YLPM1: variants seen among roughly 807,000 people sequenced by gnomAD.
YLPM1 encodes the protein YLP motif containing 1, also known as YLP motif-containing protein 1.
Under a neutral mutation model 230.0 loss-of-function variants are expected in YLPM1, and 99 were observed. That is an observed-to-expected ratio of 0.43 (90% CI 0.37 to 0.51). YLPM1 has a LOEUF of 0.51. Ranked by LOEUF, YLPM1 falls within the 20% of genes least tolerant of loss-of-function variation. YLPM1 has a pLI of 0.00. For missense variants in YLPM1, 2,592 were observed against 2,707.7 expected (o/e 0.96, Z 0.95); for synonymous variants, 984 against 942.5 (o/e 1.04, Z -0.81).
intron 4 of YLPM1, among the ~76,000 whole-genome samples, chr14:74,795,969 G>A (rs2140106030): frequency 6.6e-6 from 1 of 152,334 alleles, no homozygotes; most frequent in South Asian, 2.1e-4. Context: ...GAGAAGAGGA[G>A]GATGTGCCCT....
chr14:74,816,557 T>C lies in YLPM1; in HGVS notation c.5566-14T>C. The stretch of plus-strand genomic sequence containing the variant: ...ATAAATTCGTTTTAACCTTCTTGAC[T>C]GTATGATTCTTAGGATAAGGAGGTA... On this transcript the variant is annotated splice_polypyrimidine_tract_variant and intron_variant, in intron 12 of 20. Coordinates refer to ENST00000325680, the MANE Select transcript of YLPM1 (RefSeq NM_019589.3). 6.2e-7 allele frequency: 1 copy of C among 1,605,342 alleles called. No homozygotes were observed. Among genetic ancestry groups the C allele is most frequent in the Non-Finnish European group, 8.5e-7 (1 of 1,177,420 alleles).
intron 4 of YLPM1, among the ~76,000 whole-genome samples, chr14:74,795,033 G>C (rs1436265211): frequency 1.3e-5 from 2 of 152,172 alleles, no homozygotes; most frequent in Admixed American, 1.3e-4. Context: ...GCTGTTTGCA[G>C]TTCTACAAAA....
intron 18 of YLPM1, among the ~76,000 whole-genome samples, chr14:74,826,196 A>G (rs1052536704): frequency 2.0e-5 from 3 of 152,144 alleles, no homozygotes; most frequent in Admixed American, 6.5e-5. Flanking sequence ...GCACCACTGT[A>G]TTGAGAGCTA....
chr14:74,798,824 G>A lies in YLPM1; in HGVS notation c.3527G>A (p.Gly1176Asp), dbSNP rs1383436491. The A allele has an allele frequency of 2.5e-6, 4 of 1,613,904 alleles. No homozygotes were observed. Among genetic ancestry groups the A allele is most frequent in the African/African-American group, 1.3e-5 (1 of 75,000 alleles). ...RGPFRPEPGD[G>D]GEKMYPYHRD... ...CCATTCAGACCAGAACCAGGAGATG[G>A]TGGGGAAAAAATGTATCCATATCAC... The change falls in exon 5 of 21, where the codon GGT (glycine) becomes GAT (aspartate). Residue 1176 changes from glycine to aspartate, a missense_variant. Physicochemically the swap from Gly to Asp is moderately conservative, Grantham distance 94. Coordinates refer to ENST00000325680, the MANE Select transcript of YLPM1 (RefSeq NM_019589.3).
chr14:74,829,143 T>A, intron 18 of YLPM1, 70 bp from the exon 19 acceptor site: 1 of 1,580,414 alleles, frequency 6.3e-7, no homozygotes, highest in South Asian at 1.1e-5. Flanking sequence ...AGCCTTCTTT[T>A]CCCCTGTGTG....
At chr14:74,802,237 T>C (rs1454347002) in intron 5 of YLPM1, among the ~76,000 whole-genome samples, 1 of 133,626 alleles carries the variant, frequency 7.5e-6, no homozygotes, top group Non-Finnish European at 1.6e-5. Context: ...AAAAAAAAAA[T>C]AGCAAGAGAG....
chr14:74,809,107 GT>G (rs561137969), intron 6 of YLPM1, among the ~76,000 whole-genome samples: 3,360 of 142,226 alleles, frequency 0.024, 67 homozygotes, highest in African/African-American at 0.053. Flanking sequence ...TTTGGCCATA[GT>G]TTTTTTTTTT....
intron 6 of YLPM1, among the ~76,000 whole-genome samples, chr14:74,804,429 ACT>A (rs976180753): frequency 1.3e-5 from 2 of 151,416 alleles, no homozygotes; most frequent in African/African-American, 2.4e-5. Flanking sequence ...TTGCTACTCC[ACT>A]CTCTGATGCT....
chr14:74,829,710 G>T (rs1399803292), intron 19 of YLPM1, among the ~76,000 whole-genome samples: 3 of 152,102 alleles, frequency 2.0e-5, no homozygotes, highest in African/African-American at 7.2e-5. Context: ...GGTAGATCAA[G>T]GGTGACCCCT....
At chr14:74,814,286 A>G (rs993312057) in intron 11 of YLPM1, among the ~76,000 whole-genome samples, 2 of 152,200 alleles carry the variant, frequency 1.3e-5, no homozygotes, top group African/African-American at 4.8e-5. Context: ...GCATGAACCC[A>G]GGAGGCGGAG....
chr14:74,797,459 G>C, intron 4 of YLPM1, 121 bp from the exon 5 acceptor site: 1 of 822,168 alleles, frequency 1.2e-6, no homozygotes, highest in Non-Finnish European at 1.8e-6. Flanking sequence ...TTAATTTAAT[G>C]ACTGAAAAGA....
chr14:74,786,841 A>T (rs1221511060), intron 4 of YLPM1, among the ~76,000 whole-genome samples: 1 of 152,182 alleles, frequency 6.6e-6, no homozygotes, highest in Non-Finnish European at 1.5e-5. Flanking sequence ...CTGATTATAG[A>T]GTATATACAT....
chr14:74,763,423 G>C lies in YLPM1; in HGVS notation c.-67G>C. 7.3e-7 allele frequency: 1 copy of C among 1,365,938 alleles called. No homozygotes were observed. The highest frequency in any genetic ancestry group is 9.5e-7 in the Non-Finnish European group (1 of 1,051,896). 84.6% of individuals were successfully genotyped at this position (1,365,938 alleles called of 1,614,324 possible). Reference sequence around the variant, plus strand: ...AGTTCCGGCTGTCGCCGTCGCCGCCGCGGCTCCTGGAGGTCGGTTGCGACG... The same window carrying C: ...AGTTCCGGCTGTCGCCGTCGCCGCCCCGGCTCCTGGAGGTCGGTTGCGACG... On this transcript the variant is annotated 5_prime_UTR_variant, in exon 1 of 21. Transcript: ENST00000325680.
chr14:74,832,019 CTTGT>C (rs1380998094), intron 19 of YLPM1, among the ~76,000 whole-genome samples: 2 of 152,070 alleles, frequency 1.3e-5, no homozygotes, highest in Non-Finnish European at 2.9e-5. Flanking sequence ...GAACCTTTCC[CTTGT>C]TTGTTTGCTG....
chr14:74,821,243 AG>A, intron 17 of YLPM1, 106 bp downstream of exon 17: 1 of 1,379,050 alleles, frequency 7.3e-7, no homozygotes, highest in Non-Finnish European at 9.5e-7. Flanking sequence ...TATACACTTT[AG>A]TGGTAAAAGT....
chr14:74,830,980 T>C (rs764772488), intron 19 of YLPM1, among the ~76,000 whole-genome samples: 10 of 152,198 alleles, frequency 6.6e-5, no homozygotes, highest in Non-Finnish European at 1.5e-4. Flanking sequence ...TGTTTCCATT[T>C]ATTGCCAGTA....
In YLPM1 at chr14:74,798,185, G is replaced by A. The variant is rs2091283641; in HGVS notation, c.2888G>A (p.Gly963Glu). Reference protein sequence around the residue: ...PAQSTFPSKTGGMEGGTAVAT... With the variant: ...PAQSTFPSKTEGMEGGTAVAT... ...CAATCTACTTTTCCTTCAAAAACAG[G>A]GGGGATGGAGGGAGGAACAGCAGTA... The change falls in exon 5 of 21, where the codon GGG (glycine) becomes GAG (glutamate). Residue 963 changes from glycine to glutamate, a missense_variant. By Grantham distance (98) the Gly-to-Glu change is moderately conservative. Around this residue, in one of 4 missense-constraint regions of YLPM1, gnomAD observed 1,862 missense variants for 1,819.8 expected, o/e 1.02. Transcript: ENST00000325680. 6.2e-7 allele frequency: 1 copy of A among 1,613,940 alleles called. No homozygotes were observed. The highest frequency in any genetic ancestry group is 8.5e-7 in the Non-Finnish European group (1 of 1,179,888).
At chr14:74,772,835 C>G (rs1010433554) in intron 1 of YLPM1, among the ~76,000 whole-genome samples, 15 of 151,950 alleles carry the variant, frequency 9.9e-5, no homozygotes, top group African/African-American at 3.6e-4. Flanking sequence ...TTTTTTCTTT[C>G]TAAAATAGGG....
At position 74,766,094 on chromosome 14, in the gene YLPM1, T is replaced by G. The variant is rs577739334; in HGVS notation, c.873+1732T>G. On this transcript the variant is annotated intron_variant, in intron 1 of 20. Coordinates refer to ENST00000325680, the MANE Select transcript of YLPM1 (RefSeq NM_019589.3). Reference sequence around the variant, plus strand: ...ATCTGGTTTGGTTCTGTTCTTCAGATTGTAAGTCCCTTGCAGACAGGAATT... The same window carrying G: ...ATCTGGTTTGGTTCTGTTCTTCAGAGTGTAAGTCCCTTGCAGACAGGAATT... 6.6e-5 allele frequency among the ~76,000 whole-genome samples: 10 copies of G among 152,330 alleles called. No individual in the cohort carries two copies. The East Asian group carries it at 1.9e-3, about 29-fold the overall frequency.
Sources: allele counts gnomAD v4.1 joint callset (sites outside exome capture counted in the v4.1 genomes callset), GRCh38; gene constraint gnomAD v4.1.1; regional missense constraint gnomAD v4.1.1; transcripts MANE v1.5; gene names NCBI Gene and HGNC (gene_info 2026-07-23, HGNC 2026-07-21).